UGT1A5: variants seen among roughly 807,000 people sequenced by gnomAD.
The protein encoded by UGT1A5 is UDP-glucuronosyltransferase 1A5.
In UGT1A5, 29 loss-of-function variants were observed where a neutral mutation model predicts 40.3. The observed-to-expected ratio is 0.72, with a 90% CI of 0.54 to 0.98. UGT1A5 has a LOEUF of 0.98. Ranked by LOEUF, UGT1A5 falls within the 50% of genes least tolerant of loss-of-function variation. The pLI is 0.00. For missense variants in UGT1A5, 678 were observed against 677.9 expected (o/e 1.00, Z 0.00); for synonymous variants, 257 against 262.5 (o/e 0.98, Z 0.20).
intron 3 of UGT1A5, 56 bp from the exon 4 acceptor site, chr2:233,768,164 C>T: frequency 1.2e-6 from 2 of 1,613,412 alleles, no homozygotes; most frequent in Non-Finnish European, 1.7e-6. Flanking sequence ...CTAGATGTGT[C>T]CAGCTGTGAA....
At chr2:233,748,830 A>T (rs1694040307) in intron 1 of UGT1A5, among the ~76,000 whole-genome samples, 1 of 151,290 alleles carries the variant, frequency 6.6e-6, no homozygotes, top group African/African-American at 2.5e-5. Flanking sequence ...TCTAGGGAGG[A>T]GATAAAACTG....
At chr2:233,743,189 T>C in intron 1 of UGT1A5, 3 of 374,868 alleles carry the variant, frequency 8.0e-6, no homozygotes, top group Non-Finnish European at 1.6e-5. Context: ...GGACTGGAAT[T>C]ACTTGGTGTC....
At chr2:233,746,988 A>C (rs1194642713) in intron 1 of UGT1A5, among the ~76,000 whole-genome samples, 1 of 151,882 alleles carries the variant, frequency 6.6e-6, no homozygotes, top group Non-Finnish European at 1.5e-5. Context: ...GCGCAGGGTC[A>C]GATGAGTTTT....
chr2:233,740,631 C>G (rs1198172888), intron 1 of UGT1A5: 1 of 151,760 alleles, frequency 6.6e-6, no homozygotes, highest in East Asian at 1.9e-4. Context: ...CAGGGTCATG[C>G]CTTTCCTTGC....
chr2:233,747,799 A>C, intron 1 of UGT1A5: 1 of 1,613,474 alleles, frequency 6.2e-7, no homozygotes, highest in Non-Finnish European at 8.5e-7. Context: ...TATATTCCTA[A>C]GTTACTAACG....
chr2:233,751,386 C>G (rs1694713563), intron 1 of UGT1A5, among the ~76,000 whole-genome samples: 1 of 152,086 alleles, frequency 6.6e-6, no homozygotes, highest in African/African-American at 2.4e-5. Flanking sequence ...TGCCTTGTCT[C>G]AGATAAGACT....
At chr2:233,759,349 A>T (rs900901642) in intron 1 of UGT1A5, among the ~76,000 whole-genome samples, 3 of 152,146 alleles carry the variant, frequency 2.0e-5, no homozygotes, top group African/African-American at 4.8e-5. Flanking sequence ...GAGCGCTGAA[A>T]ATCTCAACTA....
chr2:233,719,175 A>C, intron 1 of UGT1A5: 7 of 1,614,246 alleles, frequency 4.3e-6, no homozygotes, highest in Non-Finnish European at 5.1e-6. Flanking sequence ...AATTATGAAC[A>C]ATGTATCTTT....
At chr2:233,747,272 T>G (rs1693606850) in intron 1 of UGT1A5, 7 of 1,598,964 alleles carry the variant, frequency 4.4e-6, no homozygotes, top group Non-Finnish European at 6.0e-6. Context: ...CTACTCCTTC[T>G]CAGTGCCCAG....
intron 1 of UGT1A5, among the ~76,000 whole-genome samples, chr2:233,722,586 G>A (rs1347129726): frequency 6.6e-6 from 1 of 152,110 alleles, no homozygotes; most frequent in Non-Finnish European, 1.5e-5. Flanking sequence ...CTTCGTTAGA[G>A]GACTATTACA....
At chr2:233,740,906 T>C (rs1395590000) in intron 1 of UGT1A5, 5 of 141,866 alleles carry the variant, frequency 3.5e-5, no homozygotes, top group East Asian at 3.9e-4. Flanking sequence ...TAGGTCAACA[T>C]TGTTCCCATC....
intron 1 of UGT1A5, chr2:233,754,583 T>A (rs1211544533): frequency 2.3e-6 from 1 of 426,868 alleles, no homozygotes; most frequent in East Asian, 7.0e-5. Context: ...ATGCCGTTTA[T>A]TATGAAGGAC....
chr2:233,722,457 A>G (rs2077013150), intron 1 of UGT1A5, among the ~76,000 whole-genome samples: 4 of 152,226 alleles, frequency 2.6e-5, no homozygotes, highest in South Asian at 4.1e-4. Flanking sequence ...CAAAGAAATA[A>G]CTGTGGAATT....
chr2:233,724,345 C>T (rs2077230471), intron 1 of UGT1A5, among the ~76,000 whole-genome samples: 3 of 148,032 alleles, frequency 2.0e-5, no homozygotes, highest in East Asian at 2.1e-4. Flanking sequence ...GGCTGACCCC[C>T]CCCACCTCCC....
Position 233,743,334 on chromosome 2 carries a change from A to G in UGT1A5, c.868-23700A>G, listed in dbSNP as rs568503727. Reference sequence around the variant, plus strand: ...TGATTTTTTTACCATCAACTATTTCAGTGGAAGTCGACATGGACTTGAAGC... The same window carrying G: ...TGATTTTTTTACCATCAACTATTTCGGTGGAAGTCGACATGGACTTGAAGC... On this transcript the variant is annotated intron_variant, in intron 1 of 4. Transcript: ENST00000373414. The G allele has an allele frequency of 4.6e-5, 36 of 779,716 alleles. 1 individual carries two copies. The highest frequency in any genetic ancestry group is 6.6e-5 in the Non-Finnish European group (34 of 513,604). The allele number at this position is 779,716 out of a possible 1,614,324, so 48.3% of individuals were successfully genotyped here.
rs1267717516 is a variant in UGT1A5, at chr2:233,755,162, G to A, written c.868-11872G>A. 1.3e-4 allele frequency: 162 copies of A among 1,279,924 alleles called. 2 individuals carry two copies. The highest frequency in any genetic ancestry group is 5.7e-5 in the Admixed American group (3 of 52,216). The allele number at this position is 1,279,924 out of a possible 1,614,324, so 79.3% of individuals were successfully genotyped here. A position where few individuals can be genotyped will look rare whatever the true frequency, so the allele number is the denominator to read the frequency against. Reference sequence around the variant, plus strand: ...TTCTCACCGCTTCCTCCCTGTCCTCGGGGTTTTTGTCGGGGTGCCACTTGA... The same window carrying A: ...TTCTCACCGCTTCCTCCCTGTCCTCAGGGTTTTTGTCGGGGTGCCACTTGA... On this transcript the variant is annotated intron_variant, in intron 1 of 4. Coordinates refer to ENST00000373414, the MANE Select transcript of UGT1A5 (RefSeq NM_019078.2).
At chr2:233,747,405 G>C (rs112085732) in intron 1 of UGT1A5, 2 of 1,607,054 alleles carry the variant, frequency 1.2e-6, no homozygotes, top group Non-Finnish European at 1.7e-6. Context: ...CACCCCAGAG[G>C]TGAATATGCA....
chr2:233,748,167 T>C, intron 1 of UGT1A5: 1 of 1,593,478 alleles, frequency 6.3e-7, no homozygotes, highest in Admixed American at 1.7e-5. Flanking sequence ...CCATATCTAC[T>C]TATCTTTCTG....
intron 1 of UGT1A5, among the ~76,000 whole-genome samples, chr2:233,759,599 A>ACCCCCCCCCCCCCCCCCCCC (rs1553620419): frequency 9.2e-6 from 1 of 108,662 alleles, no homozygotes; most frequent in African/African-American, 3.3e-5. Context: ...CCCACCCCCG[A>ACCCCCCCCCCCCCCCCCCCC]CCCGCCCCAC....
Sources: gnomAD v4.1 joint callset for allele counts (sites outside exome capture counted in the v4.1 genomes callset) on GRCh38, gnomAD v4.1.1 for gene constraint, MANE v1.5 for transcripts, NCBI Gene and HGNC (gene_info 2026-07-23, HGNC 2026-07-21) for gene names.